Variants in PPP2R2B observed in about 807,000 individuals in gnomAD.
PPP2R2B encodes serine/threonine-protein phosphatase 2A 55 kDa regulatory subunit B beta isoform.
A neutral mutation model predicts 46.0 loss-of-function variants in PPP2R2B; 5 were observed. That is an observed-to-expected ratio of 0.11 (90% CI 0.06 to 0.23). PPP2R2B has a LOEUF of 0.23. Among genes scored for constraint, PPP2R2B ranks in the 10% least tolerant of loss-of-function variants. PPP2R2B has a pLI of 1.00. For missense variants in PPP2R2B, 367 were observed against 575.0 expected (o/e 0.64, Z 3.70); for synonymous variants, 215 against 206.7 (o/e 1.04, Z -0.34).
At chr5:146,976,473 T>C (rs1752911250) in intron 1 of PPP2R2B, among the ~76,000 whole-genome samples, 1 of 152,092 alleles carries the variant, frequency 6.6e-6, no homozygotes, top group Admixed American at 6.6e-5. Context: ...ATTTAGGTCT[T>C]TGATTCATTC....
chr5:146,609,425 A>T (rs1220301443), intron 7 of PPP2R2B, among the ~76,000 whole-genome samples: 4 of 152,266 alleles, frequency 2.6e-5, no homozygotes, highest in African/African-American at 9.6e-5. Context: ...TTTGCCAATG[A>T]TATGATCTTG....
intron 5 of PPP2R2B, among the ~76,000 whole-genome samples, chr5:146,676,555 T>C (rs1777728649): frequency 6.6e-6 from 1 of 152,148 alleles, no homozygotes; most frequent in Non-Finnish European, 1.5e-5. Context: ...TAAATATTAA[T>C]TGCTCAGGAA....
chr5:146,724,834 A>C (rs944112024), intron 2 of PPP2R2B, among the ~76,000 whole-genome samples: 1 of 152,146 alleles, frequency 6.6e-6, no homozygotes, highest in Non-Finnish European at 1.5e-5. Context: ...TCTAGCTTAC[A>C]TAATTCTTTA....
intron 2 of PPP2R2B, among the ~76,000 whole-genome samples, chr5:146,731,493 T>C (rs28528273): frequency 1.3e-5 from 2 of 152,220 alleles, no homozygotes; most frequent in African/African-American, 4.8e-5. Flanking sequence ...TTCTGTATAT[T>C]CTTCTCCTTT....
At chr5:147,012,933 T>A (rs1754813632) in intron 1 of PPP2R2B, among the ~76,000 whole-genome samples, 1 of 152,164 alleles carries the variant, frequency 6.6e-6, no homozygotes, top group Non-Finnish European at 1.5e-5. Flanking sequence ...GATTGCACTG[T>A]GGTCTGAGAG....
At chr5:146,873,890 T>C (rs922120303) in intron 2 of PPP2R2B, among the ~76,000 whole-genome samples, 39 of 152,186 alleles carry the variant, frequency 2.6e-4, no homozygotes, top group African/African-American at 9.4e-4. Context: ...GCAGACTCCA[T>C]TCTCATTTTT....
intron 2 of PPP2R2B, among the ~76,000 whole-genome samples, chr5:147,079,372 T>A (rs1056291362): frequency 2.3e-4 from 31 of 134,066 alleles, no homozygotes; most frequent in African/African-American, 6.5e-4. Flanking sequence ...TATATATATA[T>A]AATATGTGAT....
chr5:146,598,789 G>A lies in PPP2R2B; in HGVS notation c.960+1502C>T, dbSNP rs75014122. ...TACACTCATCTAAGCTACTATTGCC[G>A]CTTGCCAGAATGTTATAACTATTCT... On this transcript the variant is annotated intron_variant, in intron 8 of 9. Transcript: ENST00000394411. 1.9e-3 allele frequency among the ~76,000 whole-genome samples: 286 copies of A among 152,158 alleles called. 1 individual carries two copies. In the South Asian group the frequency reaches 0.031, roughly 16 times the overall value.
At chr5:146,807,922 C>A (rs1359435327) in intron 2 of PPP2R2B, among the ~76,000 whole-genome samples, 3 of 151,200 alleles carry the variant, frequency 2.0e-5, no homozygotes, top group Non-Finnish European at 2.9e-5. Context: ...GCCTCAGCCT[C>A]CCAAGTAGGT....
chr5:146,690,204 C>T (rs1778757906), intron 5 of PPP2R2B, among the ~76,000 whole-genome samples: 1 of 152,176 alleles, frequency 6.6e-6, no homozygotes, highest in African/African-American at 2.4e-5. Context: ...CTAGGGCTAT[C>T]CCAACATGTG....
chr5:146,844,070 G>A (rs1214557322), intron 2 of PPP2R2B, among the ~76,000 whole-genome samples: 1 of 150,362 alleles, frequency 6.7e-6, no homozygotes, highest in Non-Finnish European at 1.5e-5. Flanking sequence ...CCCACCAACA[G>A]TGTAAAATCA....
At chr5:146,646,937 T>C (rs1359248900) in intron 6 of PPP2R2B, among the ~76,000 whole-genome samples, 2 of 152,100 alleles carry the variant, frequency 1.3e-5, no homozygotes, top group African/African-American at 2.4e-5. Context: ...AAATGGAGGC[T>C]TGGATAGATT....
chr5:147,009,896 C>T (rs538375531), intron 1 of PPP2R2B, among the ~76,000 whole-genome samples: 6 of 144,680 alleles, frequency 4.1e-5, no homozygotes, highest in East Asian at 2.1e-4. Context: ...CACACACACA[C>T]ACATATATAT....
chr5:146,749,808 C>T (rs1753439238), intron 2 of PPP2R2B, among the ~76,000 whole-genome samples: 4 of 152,042 alleles, frequency 2.6e-5, no homozygotes, highest in Admixed American at 1.3e-4. Context: ...CCGTGTTAGC[C>T]AGGATGGTCT....
upstream of PPP2R2B, among the ~76,000 whole-genome samples, chr5:146,881,140 T>C (rs1379370375): frequency 6.6e-6 from 1 of 152,154 alleles, no homozygotes; most frequent in African/African-American, 2.4e-5. Flanking sequence ...CCACTTCTCT[T>C]TTCCTCTAAA....
At chr5:146,681,924 ATTCTT>A (rs112088007) in intron 5 of PPP2R2B, among the ~76,000 whole-genome samples, 15,815 of 152,166 alleles carry the variant, frequency 0.1, 952 homozygotes, top group East Asian at 0.16. Context: ...CTGTAATGTG[ATTCTT>A]TTCTTTTTCT....
intron 5 of PPP2R2B, among the ~76,000 whole-genome samples, chr5:146,669,528 T>C (rs1777209553): frequency 6.6e-6 from 1 of 152,026 alleles, no homozygotes; most frequent in African/African-American, 2.4e-5. Flanking sequence ...ATAGAGTTAA[T>C]AAAAACAAAC....
intron 1 of PPP2R2B, among the ~76,000 whole-genome samples, chr5:147,035,424 G>A (rs1306774485): frequency 6.6e-6 from 1 of 152,058 alleles, no homozygotes; most frequent in African/African-American, 2.4e-5. Context: ...CATGAGATTT[G>A]GGTGGGGACA....
chr5:146,732,141 T>G (rs1230683383), intron 2 of PPP2R2B, among the ~76,000 whole-genome samples: 2 of 152,188 alleles, frequency 1.3e-5, no homozygotes, highest in East Asian at 3.8e-4. Flanking sequence ...GCAGCTGAAA[T>G]CACCACTCAT....
Sources: gnomAD v4.1 joint callset for allele counts (sites outside exome capture counted in the v4.1 genomes callset) on GRCh38, gnomAD v4.1.1 for gene constraint, MANE v1.5 for transcripts, NCBI Gene and HGNC (gene_info 2026-07-23, HGNC 2026-07-21) for gene names.